LRCH1: variants seen among roughly 807,000 people sequenced by gnomAD.
LRCH1 encodes the protein leucine rich repeats and calponin homology domain containing 1.
Under a neutral mutation model 94.9 loss-of-function variants are expected in LRCH1, and 23 were observed. The observed-to-expected ratio is 0.24, with a 90% CI of 0.17 to 0.34. LRCH1 has a LOEUF of 0.34. LRCH1 is among the 10% of genes least tolerant of loss of function. The pLI is 1.00. For synonymous variants in LRCH1, 364 were observed against 354.9 expected (o/e 1.03, Z -0.29); for missense variants, 790 against 945.9 (o/e 0.84, Z 2.16).
chr13:46,561,598 G>A (rs543384433), intron 1 of LRCH1, among the ~76,000 whole-genome samples: 1 of 152,322 alleles, frequency 6.6e-6, no homozygotes, highest in South Asian at 2.1e-4. Context: ...AGCGTGAGGA[G>A]TAGCATCAAT....
intron 19 of LRCH1, 32 bp from the exon 20 acceptor site, chr13:46,741,610 T>C: frequency 6.2e-7 from 1 of 1,613,820 alleles, no homozygotes; most frequent in East Asian, 2.2e-5. Context: ...ATGCACTGTC[T>C]CTTTCTGTTC....
At chr13:46,751,416 G>A (rs1874133978) in exon 19 of LRCH1, 1 of 151,890 alleles carries the variant, frequency 6.6e-6, no homozygotes, top group Admixed American at 6.6e-5. Context: ...TTATATTTCT[G>A]CATTCCATCC....
chr13:46,692,146 A>C (rs1225509017), intron 7 of LRCH1, among the ~76,000 whole-genome samples: 9 of 152,230 alleles, frequency 5.9e-5, no homozygotes, highest in African/African-American at 7.2e-5. Flanking sequence ...TGGAGGGGAC[A>C]TACATCCAAA....
chr13:46,694,735 T>C (rs970396183), intron 8 of LRCH1, among the ~76,000 whole-genome samples, 158 bp from the exon 9 acceptor site: 15 of 152,158 alleles, frequency 9.9e-5, no homozygotes, highest in African/African-American at 3.6e-4. Flanking sequence ...TTTTATCTTT[T>C]CCTCCCTGCA....
chr13:46,582,648 C>CAT, intron 1 of LRCH1, among the ~76,000 whole-genome samples: 1 of 23,332 alleles, frequency 4.3e-5, no homozygotes, highest in Non-Finnish European at 8.0e-5. Context: ...CCATGCCCAG[C>CAT]TTTTTTTTTT....
chr13:46,593,245 A>G (rs2137966001), intron 1 of LRCH1, among the ~76,000 whole-genome samples: 1 of 151,788 alleles, frequency 6.6e-6, no homozygotes, highest in East Asian at 2.0e-4. Flanking sequence ...AAATAAAAAA[A>G]AAGTTTTTCC....
chr13:46,668,760 G>A (rs2051556791), intron 2 of LRCH1, among the ~76,000 whole-genome samples: 1 of 151,760 alleles, frequency 6.6e-6, no homozygotes, highest in Non-Finnish European at 1.5e-5. Context: ...GACTTTGATG[G>A]CATTCCTTGT....
At chr13:46,684,568 G>T (rs531406712) in intron 4 of LRCH1, among the ~76,000 whole-genome samples, 1 of 152,084 alleles carries the variant, frequency 6.6e-6, no homozygotes, top group Non-Finnish European at 1.5e-5. Context: ...TAACCATCTC[G>T]GAGATAGGTT....
intron 1 of LRCH1, among the ~76,000 whole-genome samples, chr13:46,604,829 G>A (rs1445868741): frequency 6.6e-6 from 1 of 152,194 alleles, no homozygotes; most frequent in African/African-American, 2.4e-5. Flanking sequence ...AGACCATGAT[G>A]ACACTGACAT....
At chr13:46,567,702 A>G (rs2050200139) in intron 1 of LRCH1, among the ~76,000 whole-genome samples, 1 of 152,180 alleles carries the variant, frequency 6.6e-6, no homozygotes, top group Non-Finnish European at 1.5e-5. Flanking sequence ...TAACTTTATA[A>G]GTACAAATGT....
At chr13:46,612,988 A>G (rs2050764040) in intron 1 of LRCH1, among the ~76,000 whole-genome samples, 1 of 152,218 alleles carries the variant, frequency 6.6e-6, no homozygotes, top group Non-Finnish European at 1.5e-5. Context: ...ATTGATGAAT[A>G]ATATGATTTG....
chr13:46,719,023 G>A (rs1276710716), intron 16 of LRCH1, among the ~76,000 whole-genome samples: 2 of 152,250 alleles, frequency 1.3e-5, no homozygotes, highest in African/African-American at 2.4e-5. Context: ...TACATAAATG[G>A]TTTCTTGTAC....
At chr13:46,707,150 A>G (rs996880684) in intron 13 of LRCH1, among the ~76,000 whole-genome samples, 1 of 152,188 alleles carries the variant, frequency 6.6e-6, no homozygotes, top group African/African-American at 2.4e-5. Context: ...GTTTAGTTGC[A>G]GATACTGCAT....
intron 1 of LRCH1, among the ~76,000 whole-genome samples, chr13:46,595,138 T>C (rs912427): frequency 0.82 from 124,209 of 152,148 alleles, 50,871 homozygotes; most frequent in East Asian, 0.91. Context: ...TGGTCATTTA[T>C]AGTTTTGTTC....
intron 1 of LRCH1, among the ~76,000 whole-genome samples, chr13:46,597,237 T>C (rs2050574254): frequency 6.6e-6 from 1 of 152,206 alleles, no homozygotes; most frequent in Admixed American, 6.5e-5. Context: ...TCTCATACTG[T>C]AAACGAGTGT....
chr13:46,752,898 C>T (rs889656672), exon 19 of LRCH1: 5 of 152,038 alleles, frequency 3.3e-5, no homozygotes, highest in East Asian at 3.9e-4. Flanking sequence ...ATGGCTAAGA[C>T]GTCTTCAAGA....
chr13:46,563,819 T>C (rs1376046948), intron 1 of LRCH1, among the ~76,000 whole-genome samples: 1 of 151,702 alleles, frequency 6.6e-6, no homozygotes, highest in Non-Finnish European at 1.5e-5. Context: ...GCCCAGAGAG[T>C]ATAATCATTT....
chr13:46,722,331 C>T (rs1250748265), intron 16 of LRCH1, among the ~76,000 whole-genome samples: 1 of 152,054 alleles, frequency 6.6e-6, no homozygotes, highest in East Asian at 1.9e-4. Flanking sequence ...GCTCTTTCAT[C>T]CATCTTATGT....
At chr13:46,557,557 A>T in intron 1 of LRCH1, among the ~76,000 whole-genome samples, 1 of 98,554 alleles carries the variant, frequency 1.0e-5, no homozygotes, top group Non-Finnish European at 2.6e-5. Context: ...AAAATAAAAT[A>T]TTAGGCCAGG....
Sources: allele counts gnomAD v4.1 joint callset (sites outside exome capture counted in the v4.1 genomes callset), GRCh38; gene constraint gnomAD v4.1.1; transcripts MANE v1.5; gene names NCBI Gene and HGNC (gene_info 2026-07-23, HGNC 2026-07-21).